The following LRP1B variants were observed in gnomAD, a reference collection of about 807,000 sequenced individuals.
The protein encoded by LRP1B is low-density lipoprotein receptor-related protein 1B.
Under a neutral mutation model 556.6 loss-of-function variants are expected in LRP1B, and 217 were observed. The ratio of observed to expected loss-of-function variants is 0.39; its 90% confidence interval spans 0.35 to 0.44. The LOEUF is 0.44. LRP1B is among the 20% of genes least tolerant of loss of function. LRP1B has a pLI of 1.00. For missense variants in LRP1B, 5,053 were observed against 5,620.8 expected, an observed-to-expected ratio of 0.90 and a Z score of 3.23; for synonymous variants, 2,047 against 1,865.8, an observed-to-expected ratio of 1.10 and a Z score of -2.50.
intron 3 of LRP1B, among the ~76,000 whole-genome samples, chr2:141,357,378 C>T (rs1222846973): frequency 6.6e-6 from 1 of 152,146 alleles, no homozygotes; most frequent in Non-Finnish European, 1.5e-5. Context: ...TAAGAAATAC[C>T]TGTTTTCTTT....
chr2:141,317,275 A>T (rs543703441), intron 3 of LRP1B, among the ~76,000 whole-genome samples: 1 of 152,220 alleles, frequency 6.6e-6, no homozygotes, highest in Middle Eastern at 3.4e-3. Flanking sequence ...AAAAAACAGA[A>T]ATTTATTTTC....
intron 1 of LRP1B, among the ~76,000 whole-genome samples, chr2:142,001,668 T>A (rs1009990624): frequency 9.2e-5 from 14 of 152,204 alleles, no homozygotes. Flanking sequence ...AGTCTCCGTT[T>A]ATTAAATGTT....
Position 141,519,360 on chromosome 2 carries a change from G to GATATATAT in LRP1B, c.206-38835_206-38828dup, listed in dbSNP as rs60473210. Among the ~76,000 whole-genome samples, 636 of 67,900 alleles carry GATATATAT rather than the reference G, an allele frequency of 9.4e-3. 16 individuals are homozygous for GATATATAT. The highest frequency in any genetic ancestry group is 0.021 in the East Asian group (26 of 1,250). The allele number at this position is 67,900 out of a possible 152,430, so 44.5% of individuals were successfully genotyped here. A position where few individuals can be genotyped will look rare whatever the true frequency, so the allele number is the denominator to read the frequency against. On this transcript the variant is annotated intron_variant, in intron 2 of 90. Transcript: ENST00000389484. ...CACCATGTGTGGGGCTTAAGTCAAT[G>GATATATAT]ATATATATATATATATATATATATA...
intron 1 of LRP1B, among the ~76,000 whole-genome samples, chr2:142,016,378 C>T (rs535562466): frequency 9.2e-5 from 14 of 152,090 alleles, no homozygotes; most frequent in South Asian, 2.1e-4. Context: ...CATATGCACA[C>T]GTATGTTTAT....
chr2:142,109,802 G>T (rs910588664), intron 1 of LRP1B, among the ~76,000 whole-genome samples: 1 of 152,082 alleles, frequency 6.6e-6, no homozygotes, highest in African/African-American at 2.4e-5. Context: ...AATAAAACAT[G>T]TTGTTTTAAA....
At chr2:141,864,705 C>A (rs1052537604) in intron 1 of LRP1B, among the ~76,000 whole-genome samples, 1 of 152,064 alleles carries the variant, frequency 6.6e-6, no homozygotes, top group Non-Finnish European at 1.5e-5. Context: ...CATGGTGAAA[C>A]CCCGTCTCTA....
At chr2:140,765,531 G>A (rs916575623) in intron 35 of LRP1B, among the ~76,000 whole-genome samples, 16 of 152,218 alleles carry the variant, frequency 1.1e-4, no homozygotes, top group African/African-American at 2.2e-4. Flanking sequence ...CACCCAGCAG[G>A]CAAGGATTTT....
intron 1 of LRP1B, among the ~76,000 whole-genome samples, chr2:142,002,845 T>C (rs1001673019): frequency 2.6e-5 from 4 of 152,136 alleles, no homozygotes; most frequent in African/African-American, 4.8e-5. Context: ...GTTCTTCCAG[T>C]ACATTCTTCG....
intron 84 of LRP1B, 137 bp from the exon 85 acceptor site, chr2:140,274,735 C>T (rs1214302695): frequency 1.7e-5 from 11 of 661,786 alleles, no homozygotes; most frequent in Non-Finnish European, 2.7e-5. Flanking sequence ...TATAATTACA[C>T]ATGAAGTAGA....
intron 1 of LRP1B, among the ~76,000 whole-genome samples, chr2:141,975,242 T>A (rs1328641060): frequency 5.3e-5 from 8 of 152,088 alleles, no homozygotes; most frequent in Non-Finnish European, 7.4e-5. Flanking sequence ...TGGGCTGGTA[T>A]TAACATTTAA....
intron 1 of LRP1B, among the ~76,000 whole-genome samples, chr2:142,083,906 A>AT (rs1355058961): frequency 6.6e-6 from 1 of 152,058 alleles, no homozygotes; most frequent in Non-Finnish European, 1.5e-5. Context: ...TGTGAAAACT[A>AT]TTTGGATGAA....
rs11326947 is a variant in LRP1B, at chr2:141,741,263, C to CTTTTTTTTTTT, written c.205+69005_205+69015dup. Among the ~76,000 whole-genome samples the CTTTTTTTTTTT allele has an allele frequency of 7.6e-4, 44 of 57,978 alleles. 1 individual carries two copies. The highest frequency in any genetic ancestry group is 0.015 in the Middle Eastern group (1 of 66). 38.0% of individuals were successfully genotyped at this position (57,978 alleles called of 152,430 possible). On this transcript the variant is annotated intron_variant, in intron 2 of 90. Transcript: ENST00000389484. The stretch of plus-strand genomic sequence containing the variant: ...GTTATCTCTTCAGTATACTGATTTC[C>CTTTTTTTTTTT]TTTTTTTTTTTTTTTTTTTTTTTTT...
chr2:141,125,948 A>T (rs993404698), intron 7 of LRP1B, among the ~76,000 whole-genome samples: 5 of 150,776 alleles, frequency 3.3e-5, no homozygotes, highest in African/African-American at 1.2e-4. Flanking sequence ...CATGCTTTTC[A>T]GCTCTTCTGC....
At chr2:141,997,060 G>A (rs1487888629) in intron 1 of LRP1B, among the ~76,000 whole-genome samples, 1 of 152,108 alleles carries the variant, frequency 6.6e-6, no homozygotes, top group Non-Finnish European at 1.5e-5. Context: ...ACAGACCAGG[G>A]TCAAGAACCA....
intron 82 of LRP1B, among the ~76,000 whole-genome samples, chr2:140,318,685 AGAG>A (rs1684639536): frequency 6.6e-6 from 1 of 152,104 alleles, no homozygotes; most frequent in Non-Finnish European, 1.5e-5. Context: ...TGGGTGACAC[AGAG>A]ATACTGGGAT....
chr2:140,998,204 T>A (rs1997079), intron 15 of LRP1B, among the ~76,000 whole-genome samples: 96,109 of 151,828 alleles, frequency 0.63, 31,068 homozygotes, highest in Non-Finnish European at 0.7. Flanking sequence ...GTCCCTTGGA[T>A]AACCAATGTT....
intron 1 of LRP1B, among the ~76,000 whole-genome samples, chr2:142,024,851 A>G (rs1703454886): frequency 6.6e-6 from 1 of 152,092 alleles, no homozygotes; most frequent in Non-Finnish European, 1.5e-5. Context: ...ACACATTTAG[A>G]TAGTTCATTC....
At chr2:140,233,412 C>A (rs545658709) in intron 90 of LRP1B, 86 bp from the exon 91 acceptor site, 2 of 851,332 alleles carry the variant, frequency 2.3e-6, no homozygotes, top group South Asian at 4.6e-5. Flanking sequence ...ATCTCCTAAT[C>A]GTAACAATAT....
At chr2:141,605,610 C>T (rs1024678360) in intron 2 of LRP1B, among the ~76,000 whole-genome samples, 5 of 152,172 alleles carry the variant, frequency 3.3e-5, no homozygotes, top group African/African-American at 1.2e-4. Context: ...GCCTAATACT[C>T]AGCCCATTAC....
Sources: gnomAD v4.1 joint callset for allele counts (sites outside exome capture counted in the v4.1 genomes callset) on GRCh38, gnomAD v4.1.1 for gene constraint, MANE v1.5 for transcripts, NCBI Gene and HGNC (gene_info 2026-07-23, HGNC 2026-07-21) for gene names.